TTLL9: variants seen among roughly 807,000 people sequenced by gnomAD.
TTLL9 encodes probable tubulin polyglutamylase TTLL9.
TTLL9 carries 47 observed loss-of-function variants against 65.6 expected under a neutral mutation model. The ratio of observed to expected loss-of-function variants is 0.72; its 90% CI spans 0.57 to 0.91. TTLL9 has a LOEUF of 0.91. TTLL9 is among the 40% of genes least tolerant of loss of function. TTLL9 has a pLI of 0.00. For synonymous variants in TTLL9, 179 were observed against 204.8 expected (o/e 0.87, Z 1.07); for missense variants, 537 against 568.8 (o/e 0.94, Z 0.57).
intron 12 of TTLL9, among the ~76,000 whole-genome samples, chr20:31,936,698 G>A (rs1176655198): frequency 2.0e-5 from 3 of 152,132 alleles, no homozygotes; most frequent in African/African-American, 7.2e-5. Flanking sequence ...TTTTCACTAA[G>A]AAAGGGAAGT....
At position 31,916,572 on chromosome 20, in the gene TTLL9, G is replaced by A. The variant is rs145309649; in HGVS notation, c.505-3292G>A. Among the ~76,000 whole-genome samples, 903 of 152,270 alleles carry A rather than the reference G, an allele frequency of 5.9e-3. 6 individuals carry two copies. The highest frequency in any genetic ancestry group is 0.031 in the South Asian group (149 of 4,814). On this transcript the variant is annotated intron_variant, in intron 6 of 14. Coordinates refer to ENST00000535842, the MANE Select transcript of TTLL9 (RefSeq NM_001008409.5). ...TTTTGTTATCTCACAGAACAAGAAGGCTGAGGGTAGGCATATCCAGGTTTG... is the reference window on the plus strand; with the variant it reads ...TTTTGTTATCTCACAGAACAAGAAGACTGAGGGTAGGCATATCCAGGTTTG...
At chr20:31,873,686 G>A (rs2062975186) in intron 2 of TTLL9, among the ~76,000 whole-genome samples, 1 of 27,242 alleles carries the variant, frequency 3.7e-5, no homozygotes, top group African/African-American at 1.1e-4. Context: ...GAGAGAGAGA[G>A]AAAGAAAGAA....
At chr20:31,893,918 G>T (rs534569553) in intron 3 of TTLL9, among the ~76,000 whole-genome samples, 18 of 151,794 alleles carry the variant, frequency 1.2e-4, no homozygotes, top group African/African-American at 4.4e-4. Context: ...ATTATCTCAC[G>T]AGTCACTGAG....
chr20:31,914,483 C>T (rs1337547431), intron 6 of TTLL9, among the ~76,000 whole-genome samples: 1 of 152,160 alleles, frequency 6.6e-6, no homozygotes, highest in Non-Finnish European at 1.5e-5. Flanking sequence ...ACATAAAATA[C>T]AGTACATTCC....
At chr20:31,887,285 TCTCC>T in intron 3 of TTLL9, 46 bp downstream of exon 3, 5 of 1,594,682 alleles carry the variant, frequency 3.1e-6, no homozygotes, top group Non-Finnish European at 4.3e-6. Flanking sequence ...AACCAACTTC[TCTCC>T]CTCCCTCCCC....
intron 2 of TTLL9, among the ~76,000 whole-genome samples, chr20:31,876,169 G>A (rs1187994537): frequency 6.6e-6 from 1 of 152,092 alleles, no homozygotes. Flanking sequence ...TATCTTGGCC[G>A]GGTGTGGTGG....
At chr20:31,895,650 C>T (rs1172542598) in intron 3 of TTLL9, among the ~76,000 whole-genome samples, 1 of 152,058 alleles carries the variant, frequency 6.6e-6, no homozygotes, top group Non-Finnish European at 1.5e-5. Flanking sequence ...GATTCTCCTG[C>T]CTCAGCCTCC....
chr20:31,895,513 T>C (rs767301590), intron 3 of TTLL9, among the ~76,000 whole-genome samples: 17 of 152,228 alleles, frequency 1.1e-4, no homozygotes, highest in Non-Finnish European at 2.2e-4. Flanking sequence ...CTTCATGACC[T>C]TTCCTGGCTC....
At chr20:31,926,188 A>AGTG in intron 10 of TTLL9, 97 bp downstream of exon 10, 7 of 786,232 alleles carry the variant, frequency 8.9e-6, no homozygotes, top group South Asian at 1.4e-5. Context: ...AGCTCACTGC[A>AGTG]AGCTGCTCTG....
chr20:31,926,430 C>T (rs1380013071), intron 10 of TTLL9, among the ~76,000 whole-genome samples: 1 of 152,176 alleles, frequency 6.6e-6, no homozygotes, highest in African/African-American at 2.4e-5. Context: ...AGAATACATA[C>T]GTTGCTGGCG....
chr20:31,891,927 C>G (rs1295526325), intron 3 of TTLL9, among the ~76,000 whole-genome samples: 1 of 151,972 alleles, frequency 6.6e-6, no homozygotes, highest in South Asian at 2.1e-4. Context: ...CTCGGCCTCC[C>G]GAGTAGCTGG....
At position 31,925,007 on chromosome 20, in the gene TTLL9, A is replaced by G; in HGVS notation, c.665-2A>G. ...CAAATTAATTTTTTCCTTGCCTGAC[A>G]GGCCGCAAGTTTGACCTGCGTGTCT... On this transcript the variant is annotated splice_acceptor_variant, in intron 8 of 14. Coordinates refer to ENST00000535842, the MANE Select transcript of TTLL9 (RefSeq NM_001008409.5). LOFTEE classifies it high-confidence loss of function. 1 of 1,614,104 alleles carries G rather than the reference A, an allele frequency of 6.2e-7. No individual in the cohort carries two copies. The highest frequency in any genetic ancestry group is 8.5e-7 in the Non-Finnish European group (1 of 1,179,972).
At chr20:31,906,939 C>G (rs2063567523) in intron 4 of TTLL9, among the ~76,000 whole-genome samples, 1 of 152,174 alleles carries the variant, frequency 6.6e-6, no homozygotes, top group African/African-American at 2.4e-5. Flanking sequence ...TGTGAGCCAG[C>G]ACACCCAGCC....
chr20:31,903,040 G>GT (rs924322765), intron 4 of TTLL9, among the ~76,000 whole-genome samples: 54 of 148,356 alleles, frequency 3.6e-4, no homozygotes, highest in African/African-American at 6.2e-4. Context: ...AATGTTTTAA[G>GT]TTTTTTTTTT....
At chr20:31,878,968 C>T (rs925704646) in intron 2 of TTLL9, among the ~76,000 whole-genome samples, 18 of 152,148 alleles carry the variant, frequency 1.2e-4, no homozygotes, top group Non-Finnish European at 2.2e-4. Context: ...AGATGGAAAT[C>T]CCCATCACTC....
chr20:31,919,962 G>A (rs746388177), intron 7 of TTLL9, 30 bp downstream of exon 7: 2 of 1,552,368 alleles, frequency 1.3e-6, no homozygotes. Context: ...CTTCCTCCCT[G>A]AACCCTCCTC....
chr20:31,916,809 C>G (rs569888500), intron 6 of TTLL9, among the ~76,000 whole-genome samples: 1 of 152,324 alleles, frequency 6.6e-6, no homozygotes, highest in Admixed American at 6.5e-5. Context: ...TCCCCAGCTC[C>G]TTCCCTAATA....
chr20:31,927,437 C>T (rs555421324), intron 10 of TTLL9, among the ~76,000 whole-genome samples: 10 of 141,510 alleles, frequency 7.1e-5, no homozygotes, highest in South Asian at 2.2e-4. Context: ...ACCGAGATCA[C>T]GCCATTGCAC....
At chr20:31,927,459 T>C in intron 10 of TTLL9, among the ~76,000 whole-genome samples, 1 of 101,704 alleles carries the variant, frequency 9.8e-6, no homozygotes, top group Non-Finnish European at 1.9e-5. Context: ...CCAGCCTGGG[T>C]GACAAAATAA....
Sources: allele counts gnomAD v4.1 joint callset (sites outside exome capture counted in the v4.1 genomes callset), GRCh38; gene constraint gnomAD v4.1.1; transcripts MANE v1.5; gene names NCBI Gene and HGNC (gene_info 2026-07-23, HGNC 2026-07-21).